The following TRPC5 variants were observed in gnomAD, a reference collection of about 807,000 sequenced individuals.
The protein encoded by TRPC5 is short transient receptor potential channel 5.
Under a neutral mutation model 56.5 loss-of-function variants are expected in TRPC5, and 9 were observed. The observed-to-expected ratio is 0.16, with a 90% CI of 0.10 to 0.28. TRPC5 has a LOEUF of 0.28. Among genes scored for constraint, TRPC5 ranks in the 10% least tolerant of loss-of-function variants. The probability of loss-of-function intolerance (pLI) is 1.00; values close to 1 mark genes in which losing one functional copy is unlikely to be tolerated. For missense variants in TRPC5, 469 were observed against 748.9 expected (o/e 0.63, Z 4.36); for synonymous variants, 282 against 278.5 (o/e 1.01, Z -0.13).
At chrX:111,913,086 A>T (rs1925866657) in intron 2 of TRPC5, among the ~76,000 whole-genome samples, 1 of 111,448 alleles carries the variant, frequency 9.0e-6, no homozygotes. Context: ...GCTGAGACAG[A>T]GGGAGATTAA....
At chrX:111,949,683 T>TA (rs1272516117) in intron 2 of TRPC5, among the ~76,000 whole-genome samples, 4 of 110,482 alleles carry the variant, frequency 3.6e-5, no homozygotes, top group African/African-American at 6.6e-5. Context: ...AATCAAAAAA[T>TA]AAAAAAAATA....
intron 1 of TRPC5, among the ~76,000 whole-genome samples, chrX:112,026,928 AAAAG>A (rs376571702): frequency 0.058 from 6,269 of 108,949 alleles, 154 homozygotes; most frequent in Middle Eastern, 0.071. Context: ...AAGAAGAAGA[AAAAG>A]AAAGAAAGAA....
At chrX:111,985,932 C>G (rs1928199838) in intron 1 of TRPC5, among the ~76,000 whole-genome samples, 1 of 111,713 alleles carries the variant, frequency 9.0e-6, no homozygotes, top group African/African-American at 3.2e-5. Flanking sequence ...TTTCCCAATT[C>G]AGTCACTGCA....
chrX:111,947,352 T>C (rs1926956900), intron 2 of TRPC5, among the ~76,000 whole-genome samples: 1 of 111,438 alleles, frequency 9.0e-6, no homozygotes, highest in South Asian at 3.8e-4. Flanking sequence ...ATTTATTTAT[T>C]TTGAGACAGA....
At position 111,912,328 on chromosome X, in the gene TRPC5, G is replaced by A; in HGVS notation, c.863C>T (p.Ala288Val). 1 of 1,205,949 alleles carries A rather than the reference G, an allele frequency of 8.3e-7. No individual in the cohort carries two copies. The highest frequency in any genetic ancestry group is 1.1e-6 in the Non-Finnish European group (1 of 892,822). The stretch of plus-strand genomic sequence containing the variant: ...GTATTTGATTGCCACCTTCAACTTG[G>A]CCAGGTCATGGTACTTCTGAGGGTC... Reference protein sequence around the residue: ...ELDPQKYHDLAKLKVAIKYHQ... With the variant: ...ELDPQKYHDLVKLKVAIKYHQ... Residue 288 changes from alanine to valine, a missense_variant, in exon 3 of 11, where the codon GCC (alanine) becomes GTC (valine). Coordinates refer to ENST00000262839, the MANE Select transcript of TRPC5 (RefSeq NM_012471.3).
chrX:111,840,242 G>C (rs1248861079), intron 6 of TRPC5, among the ~76,000 whole-genome samples: 1 of 112,060 alleles, frequency 8.9e-6, no homozygotes, highest in Non-Finnish European at 1.9e-5. Context: ...GCCCATGCTT[G>C]TCTTGAACTC....
intron 7 of TRPC5, among the ~76,000 whole-genome samples, chrX:111,785,625 G>A (rs776390574): frequency 1.8e-5 from 2 of 111,847 alleles, no homozygotes; most frequent in East Asian, 5.7e-4. Flanking sequence ...CTGAGCTAAA[G>A]GAGGATGTTC....
intron 2 of TRPC5, among the ~76,000 whole-genome samples, chrX:111,937,372 G>T (rs1344150867): frequency 3.4e-4 from 34 of 100,866 alleles, no homozygotes; most frequent in Non-Finnish European, 4.2e-4. Flanking sequence ...GTCAATTTTG[G>T]CTTTTGTTGC....
intron 7 of TRPC5, among the ~76,000 whole-genome samples, chrX:111,795,250 G>A (rs1269007783): frequency 9.1e-6 from 1 of 110,240 alleles, no homozygotes; most frequent in Non-Finnish European, 1.9e-5. Flanking sequence ...ATCTTTCACC[G>A]CTAAGTTTAA....
rs767536773 is a variant in TRPC5, at chrX:112,076,802, C to T, written c.-22+5077G>A. On this transcript the variant is annotated intron_variant, in intron 1 of 10. Coordinates refer to ENST00000262839, the MANE Select transcript of TRPC5 (RefSeq NM_012471.3). ...TTCCATGGAGTGATTTCACTAGGGA[C>T]ACCTGTAATTCCTTCTGAAAAAATA... Among the ~76,000 whole-genome samples the T allele has an allele frequency of 1.7e-4, 19 of 111,827 alleles. No individual in the cohort carries two copies. In the East Asian group the frequency reaches 4.5e-3, roughly 26 times the overall value.
chrX:111,858,707 A>C (rs1310363159), intron 3 of TRPC5, among the ~76,000 whole-genome samples: 2 of 111,088 alleles, frequency 1.8e-5, no homozygotes, highest in South Asian at 7.6e-4. Flanking sequence ...GAATGTGCTT[A>C]TTAAGGGCCA....
intron 1 of TRPC5, among the ~76,000 whole-genome samples, chrX:112,080,395 T>TACACACACACACACACACACACACACAC (rs201063739): frequency 1.3e-5 from 1 of 79,155 alleles, no homozygotes; most frequent in Non-Finnish European, 2.5e-5. Context: ...AAAAACTACA[T>TACACACACACACACACACACACACACAC]ACACACACAC....
intron 4 of TRPC5, among the ~76,000 whole-genome samples, chrX:111,852,815 C>T (rs755458446): frequency 2.0e-4 from 22 of 111,786 alleles, no homozygotes; most frequent in African/African-American, 7.1e-4. Flanking sequence ...TTAGTTTCCA[C>T]TGGGTTCAGG....
intron 1 of TRPC5, among the ~76,000 whole-genome samples, chrX:112,017,520 G>C (rs905142321): frequency 4.6e-5 from 5 of 109,743 alleles, no homozygotes; most frequent in African/African-American, 1.7e-4. Context: ...GATATTCTTG[G>C]GAGGAGAGGT....
At chrX:112,002,874 T>C (rs1224958977) in intron 1 of TRPC5, among the ~76,000 whole-genome samples, 2 of 112,291 alleles carry the variant, frequency 1.8e-5, no homozygotes, top group African/African-American at 6.5e-5. Context: ...GACCAACCAT[T>C]GCATTCTAAT....
At chrX:112,019,705 G>A (rs1929223679) in intron 1 of TRPC5, among the ~76,000 whole-genome samples, 1 of 112,199 alleles carries the variant, frequency 8.9e-6, no homozygotes, top group African/African-American at 3.2e-5. Context: ...AAAGTGCTGG[G>A]ATTACAGGCG....
chrX:112,045,524 C>T (rs1490574145), intron 1 of TRPC5, among the ~76,000 whole-genome samples: 1 of 111,766 alleles, frequency 8.9e-6, no homozygotes, highest in Non-Finnish European at 1.9e-5. Context: ...TCACAGAAAA[C>T]TAATATAGGT....
intron 1 of TRPC5, among the ~76,000 whole-genome samples, chrX:111,961,715 A>G (rs1329969788): frequency 8.9e-6 from 1 of 112,089 alleles, no homozygotes; most frequent in African/African-American, 3.2e-5. Context: ...ATAGCTTCCT[A>G]GAAGTCAAAT....
chrX:112,049,922 T>C (rs1297450768), intron 1 of TRPC5, among the ~76,000 whole-genome samples: 1 of 112,443 alleles, frequency 8.9e-6, no homozygotes, highest in African/African-American at 3.2e-5. Context: ...ACGCCTGTAA[T>C]GCCAGCACTT....
Sources: gnomAD v4.1 joint callset for allele counts (sites outside exome capture counted in the v4.1 genomes callset) on GRCh38, gnomAD v4.1.1 for gene constraint, MANE v1.5 for transcripts, NCBI Gene and HGNC (gene_info 2026-07-23, HGNC 2026-07-21) for gene names.